MAPK8: variants seen among roughly 807,000 people sequenced by gnomAD.
MAPK8 encodes the protein JUN N-terminal kinase.
MAPK8 carries 13 observed loss-of-function variants against 52.9 expected under a neutral mutation model. The ratio of observed to expected loss-of-function variants is 0.25; its 90% confidence interval spans 0.16 to 0.39. The LOEUF is 0.39. Ranked by LOEUF, MAPK8 falls within the 10% of genes least tolerant of loss-of-function variation. MAPK8 has a pLI of 1.00. For missense variants in MAPK8, 300 were observed against 519.2 expected, an observed-to-expected ratio of 0.58 and a Z score of 4.10; for synonymous variants, 191 against 169.8, an observed-to-expected ratio of 1.12 and a Z score of -0.97.
chr10:48,404,740 T>C lies in MAPK8; in HGVS notation c.123-112T>C, dbSNP rs2042368394. 5.4e-6 allele frequency: 4 copies of C among 740,166 alleles called. No individual in the cohort carries two copies. The Admixed American group carries it at 1.1e-4, about 21-fold the overall frequency. 45.8% of individuals were successfully genotyped at this position (740,166 alleles called of 1,614,324 possible). On this transcript the variant is annotated intron_variant, in intron 2 of 11. Transcript: ENST00000374189. ...TTGAGCGTCATAGACTTGGAAGGGA[T>C]CCAGTTACTTGTCTTTGGAGAAAGT...
chr10:48,410,613 T>A (rs1043461454), intron 5 of MAPK8, among the ~76,000 whole-genome samples: 2 of 152,174 alleles, frequency 1.3e-5, no homozygotes, highest in African/African-American at 4.8e-5. Flanking sequence ...GCACAAATAT[T>A]TGTTTGAATA....
chr10:48,366,744 C>A (rs765111965), intron 1 of MAPK8, among the ~76,000 whole-genome samples: 1 of 152,080 alleles, frequency 6.6e-6, no homozygotes, highest in Non-Finnish European at 1.5e-5. Flanking sequence ...TGTGTTGGAG[C>A]TCATTAGTTT....
intron 1 of MAPK8, among the ~76,000 whole-genome samples, chr10:48,350,511 C>T (rs1335579047): frequency 6.6e-6 from 1 of 152,138 alleles, no homozygotes; most frequent in Non-Finnish European, 1.5e-5. Flanking sequence ...GAACCAATGA[C>T]AAAAACCACA....
At chr10:48,402,489 A>G (rs377241183) in intron 2 of MAPK8, among the ~76,000 whole-genome samples, 4 of 152,220 alleles carry the variant, frequency 2.6e-5, no homozygotes, top group African/African-American at 9.6e-5. Flanking sequence ...TTATTAGCTA[A>G]TTTCTACAAA....
At chr10:48,411,229 C>G (rs1440063275) in intron 5 of MAPK8, among the ~76,000 whole-genome samples, 1 of 152,150 alleles carries the variant, frequency 6.6e-6, no homozygotes, top group Non-Finnish European at 1.5e-5. Context: ...ATGGGCTCTT[C>G]TAAGAGTTTT....
intron 1 of MAPK8, among the ~76,000 whole-genome samples, chr10:48,329,179 A>G (rs1335790614): frequency 3.3e-5 from 5 of 152,330 alleles, no homozygotes; most frequent in African/African-American, 1.2e-4. Flanking sequence ...GTCTGAATCC[A>G]GACAGTTGGC....
intron 1 of MAPK8, among the ~76,000 whole-genome samples, chr10:48,379,355 A>G (rs1296812383): frequency 6.6e-6 from 1 of 152,226 alleles, no homozygotes; most frequent in Non-Finnish European, 1.5e-5. Flanking sequence ...TTAATTCCTC[A>G]AAGTAGTTTG....
intron 1 of MAPK8, among the ~76,000 whole-genome samples, chr10:48,335,186 C>T (rs1564496029): frequency 6.6e-6 from 1 of 152,158 alleles, no homozygotes; most frequent in Non-Finnish European, 1.5e-5. Context: ...CACACAATGG[C>T]ACTCTTTTCA....
chr10:48,363,780 A>G (rs903610698), intron 1 of MAPK8, among the ~76,000 whole-genome samples: 11 of 152,134 alleles, frequency 7.2e-5, no homozygotes, highest in African/African-American at 2.7e-4. Flanking sequence ...TACTTTGAGT[A>G]CTGTTTGCTT....
intron 1 of MAPK8, among the ~76,000 whole-genome samples, chr10:48,374,126 A>G (rs2040504716): frequency 6.6e-6 from 1 of 152,202 alleles, no homozygotes; most frequent in African/African-American, 2.4e-5. Flanking sequence ...AAACTGAGCA[A>G]CCTGCTCCTG....
At chr10:48,434,075 C>T (rs953495814) in intron 11 of MAPK8, among the ~76,000 whole-genome samples, 1 of 152,198 alleles carries the variant, frequency 6.6e-6, no homozygotes, top group Non-Finnish European at 1.5e-5. Context: ...AAACCAATCC[C>T]CTTGAGAGGA....
intron 8 of MAPK8, 60 bp downstream of exon 8, chr10:48,426,130 G>C (rs2043666605): frequency 1.4e-6 from 2 of 1,393,920 alleles, no homozygotes; most frequent in Non-Finnish European, 2.0e-6. Context: ...GTGTGTATGG[G>C]TTTGTGTGTT....
chr10:48,333,396 T>G (rs1483916978), intron 1 of MAPK8, among the ~76,000 whole-genome samples: 1 of 152,218 alleles, frequency 6.6e-6, no homozygotes, highest in East Asian at 1.9e-4. Context: ...AGCTATTGTT[T>G]GCACACATTT....
At chr10:48,367,757 T>C (rs1242601468) in intron 1 of MAPK8, among the ~76,000 whole-genome samples, 1 of 152,200 alleles carries the variant, frequency 6.6e-6, no homozygotes, top group African/African-American at 2.4e-5. Flanking sequence ...TCATGAGAAG[T>C]ATAAATAAAA....
chr10:48,431,555 C>T (rs2044264641), intron 11 of MAPK8, among the ~76,000 whole-genome samples: 1 of 152,142 alleles, frequency 6.6e-6, no homozygotes, highest in Non-Finnish European at 1.5e-5. Context: ...GAGGAAACTT[C>T]TCAAAATTCA....
chr10:48,412,695 C>G (rs1168176378), intron 5 of MAPK8, among the ~76,000 whole-genome samples: 1 of 152,200 alleles, frequency 6.6e-6, no homozygotes, highest in Non-Finnish European at 1.5e-5. Flanking sequence ...CTGCTTTCTT[C>G]AAAATCCTTT....
chr10:48,332,808 C>G (rs954703608), intron 1 of MAPK8, among the ~76,000 whole-genome samples: 3 of 152,220 alleles, frequency 2.0e-5, no homozygotes, highest in South Asian at 2.1e-4. Flanking sequence ...AGGCCCCACT[C>G]TGTCCAGATT....
chr10:48,338,264 G>A lies in MAPK8; in HGVS notation c.-50+31443G>A, dbSNP rs547956602. ...TAAAAAAGATAATTCACCATGATCA[G>A]GTAGGTTTTTTCCTAGATACAAGGA... On this transcript the variant is annotated intron_variant, in intron 1 of 11. Transcript: ENST00000374189. Among the ~76,000 whole-genome samples, 36 of 152,102 alleles carry A rather than the reference G, an allele frequency of 2.4e-4. No homozygotes were observed. In the South Asian group the frequency reaches 6.6e-3, roughly 28 times the overall value.
intron 5 of MAPK8, among the ~76,000 whole-genome samples, chr10:48,413,742 T>G (rs1460982496): frequency 6.8e-6 from 1 of 146,898 alleles, no homozygotes; most frequent in Non-Finnish European, 1.5e-5. Context: ...AATAAACTGC[T>G]GTTATTACCA....
Sources: allele counts gnomAD v4.1 joint callset (sites outside exome capture counted in the v4.1 genomes callset), GRCh38; gene constraint gnomAD v4.1.1; transcripts MANE v1.5; gene names NCBI Gene and HGNC (gene_info 2026-07-23, HGNC 2026-07-21).